Variants in PLA2G4E observed in about 807,000 individuals in gnomAD.
PLA2G4E encodes phospholipase A2 group IVE.
In PLA2G4E, 84 loss-of-function variants were observed where a neutral mutation model predicts 109.1. The ratio of observed to expected loss-of-function variants is 0.77; its 90% confidence interval spans 0.65 to 0.92. The LOEUF is 0.92. Ranked by LOEUF, PLA2G4E falls within the 40% of genes least tolerant of loss-of-function variation. PLA2G4E has a pLI of 0.00. For synonymous variants in PLA2G4E, 469 were observed against 436.1 expected, an observed-to-expected ratio of 1.08 and a Z score of -0.94; for missense variants, 1,057 against 1,076.6, an observed-to-expected ratio of 0.98 and a Z score of 0.25.
chr15:42,026,951 C>T (rs191900123), intron 1 of PLA2G4E, among the ~76,000 whole-genome samples: 17 of 145,620 alleles, frequency 1.2e-4, no homozygotes, highest in South Asian at 4.4e-4. Context: ...CCAACCTGGG[C>T]GACAGAGCAA....
At chr15:42,031,853 C>G (rs1889119796) in intron 1 of PLA2G4E, among the ~76,000 whole-genome samples, 1 of 152,208 alleles carries the variant, frequency 6.6e-6, no homozygotes, top group Non-Finnish European at 1.5e-5. Context: ...TCAGATGGTT[C>G]TAGTCTACCT....
At chr15:42,020,407 C>T (rs982735661) in intron 1 of PLA2G4E, among the ~76,000 whole-genome samples, 2 of 152,132 alleles carry the variant, frequency 1.3e-5, no homozygotes, top group African/African-American at 4.8e-5. Context: ...TCCATGAACC[C>T]AGAGGTCTCC....
chr15:42,042,480 A>G (rs1320000291), intron 1 of PLA2G4E, among the ~76,000 whole-genome samples: 4 of 152,260 alleles, frequency 2.6e-5, no homozygotes, highest in African/African-American at 7.2e-5. Context: ...TATTATAAAT[A>G]AAGTTGCTCT....
At chr15:42,004,258 C>T (rs2141046210) in intron 5 of PLA2G4E, among the ~76,000 whole-genome samples, 1 of 151,432 alleles carries the variant, frequency 6.6e-6, no homozygotes, top group South Asian at 2.1e-4. Context: ...GCTGAGATCG[C>T]ACCACTGTAC....
At chr15:42,032,413 G>A (rs1889129059) in intron 1 of PLA2G4E, among the ~76,000 whole-genome samples, 1 of 152,244 alleles carries the variant, frequency 6.6e-6, no homozygotes. Flanking sequence ...GGCAGAAGGG[G>A]CAGTGTCAGG....
At position 42,014,996 on chromosome 15, in the gene PLA2G4E, T is replaced by C. The variant is rs77451161; in HGVS notation, c.184-1239A>G. Among the ~76,000 whole-genome samples the C allele has an allele frequency of 4.9e-4, 74 of 152,258 alleles. No homozygotes were observed. In the East Asian group the frequency reaches 0.012, roughly 25 times the overall value. On this transcript the variant is annotated intron_variant, in intron 1 of 19. Transcript: ENST00000399518. ...CCCAGCCCTGCTCACGCGGTGCTGA[T>C]GGCTCCTCCTTCCGTCCTGCCCCTC...
chr15:41,994,416 C>T (rs1179684176), intron 12 of PLA2G4E, among the ~76,000 whole-genome samples: 2 of 152,268 alleles, frequency 1.3e-5, no homozygotes, highest in African/African-American at 4.8e-5. Flanking sequence ...CAAGGGACCT[C>T]AGGGCTCACA....
intron 5 of PLA2G4E, among the ~76,000 whole-genome samples, chr15:42,003,823 C>T (rs1266114267): frequency 6.6e-6 from 1 of 152,242 alleles, no homozygotes; most frequent in Non-Finnish European, 1.5e-5. Context: ...ACAAGCTGCC[C>T]AGTTACAGGG....
chr15:42,040,486 A>T (rs1022313959), intron 1 of PLA2G4E, among the ~76,000 whole-genome samples: 1 of 152,278 alleles, frequency 6.6e-6, no homozygotes, highest in African/African-American at 2.4e-5. Context: ...AAAGCAAGAT[A>T]TGAAATTGAG....
At chr15:42,040,201 C>A in intron 1 of PLA2G4E, among the ~76,000 whole-genome samples, 1 of 151,960 alleles carries the variant, frequency 6.6e-6, no homozygotes, top group African/African-American at 2.4e-5. Flanking sequence ...CACACACACA[C>A]ACGCACACAC....
chr15:42,045,951 A>G (rs962452361), intron 1 of PLA2G4E, among the ~76,000 whole-genome samples: 2 of 144,790 alleles, frequency 1.4e-5, no homozygotes, highest in African/African-American at 5.2e-5. Context: ...CACCCCAACC[A>G]ATTCTATCCT....
intron 7 of PLA2G4E, 48 bp from the exon 8 acceptor site, chr15:42,000,330 C>T (rs1426411191): frequency 2.7e-6 from 4 of 1,506,036 alleles, no homozygotes; most frequent in Non-Finnish European, 3.6e-6. Flanking sequence ...TCTCACTACC[C>T]ACCTGCAACT....
chr15:41,994,676 T>G (rs2068308944), intron 12 of PLA2G4E, among the ~76,000 whole-genome samples: 1 of 151,996 alleles, frequency 6.6e-6, no homozygotes, highest in Non-Finnish European at 1.5e-5. Flanking sequence ...ATAAAAAATA[T>G]TAAAATTTAT....
intron 1 of PLA2G4E, among the ~76,000 whole-genome samples, chr15:42,016,865 G>A (rs7176399): frequency 0.13 from 19,976 of 152,204 alleles, 2,959 homozygotes; most frequent in African/African-American, 0.36. Context: ...GTTGGGAGCC[G>A]GAGACTTGGG....
intron 1 of PLA2G4E, among the ~76,000 whole-genome samples, chr15:42,023,289 G>C (rs910124545): frequency 2.6e-5 from 4 of 151,658 alleles, no homozygotes; most frequent in African/African-American, 4.8e-5. Context: ...CTTGGTTCTG[G>C]CCCTGCATTT....
At chr15:42,002,426 G>A (rs560674071) in intron 6 of PLA2G4E, among the ~76,000 whole-genome samples, 2 of 152,032 alleles carry the variant, frequency 1.3e-5, no homozygotes, top group East Asian at 1.9e-4. Context: ...TGAAGTGCTC[G>A]GCCAGGGTGA....
At chr15:42,024,219 C>T (rs1489163723) in intron 1 of PLA2G4E, among the ~76,000 whole-genome samples, 4 of 152,318 alleles carry the variant, frequency 2.6e-5, no homozygotes, top group African/African-American at 7.2e-5. Flanking sequence ...GACATCCCCA[C>T]GCCAGGGTGC....
intron 1 of PLA2G4E, among the ~76,000 whole-genome samples, chr15:42,032,848 G>T (rs139416297): frequency 2.6e-5 from 4 of 152,310 alleles, no homozygotes; most frequent in East Asian, 1.9e-4. Flanking sequence ...CTAAAAATAG[G>T]CTGATATTTA....
chr15:41,984,314 G>T, intron 19 of PLA2G4E, 122 bp downstream of exon 19: 2 of 1,092,392 alleles, frequency 1.8e-6, no homozygotes, highest in Non-Finnish European at 1.3e-6. Flanking sequence ...GGAAGCCAAG[G>T]TTGGCTCAGG....
Sources: allele counts gnomAD v4.1 joint callset (sites outside exome capture counted in the v4.1 genomes callset), GRCh38; gene constraint gnomAD v4.1.1; transcripts MANE v1.5; gene names NCBI Gene and HGNC (gene_info 2026-07-23, HGNC 2026-07-21).